The following ANKRD42 variants were observed in gnomAD, a reference collection of about 807,000 sequenced individuals.
ANKRD42 encodes ankyrin repeat domain 42.
In ANKRD42, 43 loss-of-function variants were observed where a neutral mutation model predicts 51.5. The observed-to-expected ratio is 0.83, with a 90% CI of 0.65 to 1.08. The LOEUF (loss-of-function observed/expected upper bound fraction) is 1.08. ANKRD42 is among the 50% of genes least tolerant of loss of function. The pLI, the probability that ANKRD42 is intolerant of heterozygous loss-of-function variation, is 0.00. For missense variants in ANKRD42, 608 were observed against 629.3 expected (o/e 0.97, Z 0.36); for synonymous variants, 203 against 213.0 (o/e 0.95, Z 0.41).
At position 83,248,146 on chromosome 11, in the gene ANKRD42, G is replaced by A. The variant is rs905254316; in HGVS notation, c.1526G>A (p.Arg509Lys). The A allele has an allele frequency of 1.3e-6, 2 of 1,541,358 alleles. No homozygotes were observed. Among genetic ancestry groups the A allele is most frequent in the African/African-American group, 1.4e-5 (1 of 72,968 alleles). The change falls in exon 11 of 11, where the codon AGA becomes AAA. Residue 509 changes from arginine to lysine, a missense_variant. Arg to Lys is a conservative substitution (Grantham distance 26). Transcript: ENST00000533342. The part of the protein sequence containing the change: ...FLKKYIQEWP[R>K]VQALGWGSLD... ...AAGAAGTATATACAAGAGTGGCCAA[G>A]AGTACAAGCTTTGGGCTGGGGCTCT...
At chr11:83,255,775 G>A in intron 11 of ANKRD42, 1 of 1,190,446 alleles carries the variant, frequency 8.4e-7, no homozygotes, top group South Asian at 1.5e-5. Context: ...TTTTGAACAG[G>A]CAATGTAGAA....
At chr11:83,253,379 G>T (rs552313467), downstream of ANKRD42, among the ~76,000 whole-genome samples, 3 of 152,320 alleles carry the variant, frequency 2.0e-5, no homozygotes, top group African/African-American at 7.2e-5. Flanking sequence ...AGTTTCATAT[G>T]CTGTCTAGAA....
Position 83,194,511 on chromosome 11 carries a change from C to T in ANKRD42, c.-160C>T, listed in dbSNP as rs759603231. On this transcript the variant is annotated 5_prime_UTR_variant, in exon 1 of 11. Coordinates refer to ENST00000533342, the MANE Select transcript of ANKRD42 (RefSeq NM_001300975.2). ...GTGAAGACGAAGGTTTCCGCTGCAG[C>T]TTCTGGGAGAGAGCAAGAGAGGACC... The T allele has an allele frequency of 1.3e-6, 1 of 743,418 alleles. No homozygotes were observed. Among genetic ancestry groups the T allele is most frequent in the South Asian group, 1.5e-5 (1 of 68,234 alleles). The allele number at this position is 743,418 out of a possible 1,614,324, so 46.1% of individuals were successfully genotyped here.
chr11:83,252,307 G>A (rs1448289590), downstream of ANKRD42, among the ~76,000 whole-genome samples: 1 of 152,232 alleles, frequency 6.6e-6, no homozygotes, highest in Admixed American at 6.5e-5. Context: ...AGTGGTGGCA[G>A]TGTAAATTGG....
At chr11:83,243,796 G>T (rs1034197205) in intron 9 of ANKRD42, among the ~76,000 whole-genome samples, 1 of 151,622 alleles carries the variant, frequency 6.6e-6, no homozygotes, top group Non-Finnish European at 1.5e-5. Flanking sequence ...TGAGTAGCTG[G>T]GACTACAGGC....
At chr11:83,260,483 G>A (rs1863879172), downstream of ANKRD42, 1 of 152,140 alleles carries the variant, frequency 6.6e-6, no homozygotes, top group Admixed American at 6.6e-5. Flanking sequence ...ATAATGTCAA[G>A]GTTTTTCTTT....
chr11:83,232,143 G>A (rs1423432178), intron 7 of ANKRD42, among the ~76,000 whole-genome samples: 1 of 147,506 alleles, frequency 6.8e-6, no homozygotes, highest in African/African-American at 2.5e-5. Context: ...AATGTCATTG[G>A]TATTTAGATA....
At chr11:83,262,047 GT>G (rs1354450084), downstream of ANKRD42, 4 of 951,588 alleles carry the variant, frequency 4.2e-6, no homozygotes, top group Admixed American at 5.1e-5. Flanking sequence ...TTATCTTTAA[GT>G]GAAGAGCAAA....
At chr11:83,215,456 G>A in intron 5 of ANKRD42, among the ~76,000 whole-genome samples, 1 of 151,976 alleles carries the variant, frequency 6.6e-6, no homozygotes, top group South Asian at 2.1e-4. Flanking sequence ...TGTTGTTATT[G>A]GTAGGTGAAG....
intron 1 of ANKRD42, among the ~76,000 whole-genome samples, chr11:83,195,898 G>A (rs1488587344): frequency 3.4e-5 from 5 of 146,984 alleles, no homozygotes; most frequent in Non-Finnish European, 7.4e-5. Context: ...ATGCTGGAGT[G>A]CAGTGGCGCG....
chr11:83,248,040 C>T lies in ANKRD42; in HGVS notation c.1420C>T (p.Leu474Phe). Residue 474 changes from leucine to phenylalanine, a missense_variant, in exon 11 of 11, where the codon CTC becomes TTC. Coordinates refer to ENST00000533342, the MANE Select transcript of ANKRD42 (RefSeq NM_001300975.2). ...TGAATATCGAGCAGAAGTTGATCAA[C>T]TCAGGGAAACACTGGAAAAAATTCA... ...LDEYRAEVDQ[L>F]RETLEKIQVP... 1 of 1,605,742 alleles carries T rather than the reference C, an allele frequency of 6.2e-7. No individual in the cohort carries two copies. The highest frequency in any genetic ancestry group is 8.5e-7 in the Non-Finnish European group (1 of 1,175,608).
chr11:83,217,436 C>T (rs903394133), intron 5 of ANKRD42, among the ~76,000 whole-genome samples: 5 of 152,172 alleles, frequency 3.3e-5, no homozygotes, highest in Admixed American at 1.3e-4. Context: ...ACCGAGCAGG[C>T]GAGAGTAATA....
Position 83,212,903 on chromosome 11 carries a change from G to A in ANKRD42, c.586+1473G>A. ...ATTCTTTTTACTTTGTATTTTGTAA[G>A]TTTTTTTTTTTAAAGTAAAATTTAA... On this transcript the variant is annotated intron_variant, in intron 5 of 10. Coordinates refer to ENST00000533342, the MANE Select transcript of ANKRD42 (RefSeq NM_001300975.2). 6.0e-6 allele frequency: 7 copies of A among 1,161,074 alleles called. No individual in the cohort carries two copies. In the Admixed American group the frequency reaches 1.3e-4, roughly 22 times the overall value. 71.9% of individuals were successfully genotyped at this position (1,161,074 alleles called of 1,614,324 possible).
At chr11:83,217,517 A>T (rs1228099377) in intron 5 of ANKRD42, among the ~76,000 whole-genome samples, 2 of 152,146 alleles carry the variant, frequency 1.3e-5, no homozygotes, top group Non-Finnish European at 2.9e-5. Flanking sequence ...GAGGCAGGAG[A>T]TTGAAACTGT....
chr11:83,209,997 G>A (rs1055612787), intron 3 of ANKRD42: 3 of 360,458 alleles, frequency 8.3e-6, no homozygotes, highest in African/African-American at 6.3e-5. Context: ...GCCGGGTGTT[G>A]TATGTATGGC....
Position 83,248,580 on chromosome 11 carries a change from A to G in ANKRD42, c.*376A>G, listed in dbSNP as rs150164180. 2,677 of 989,512 alleles carry G rather than the reference A, an allele frequency of 2.7e-3. 59 individuals carry two copies. In the African/African-American group the frequency reaches 0.043, roughly 16 times the overall value. The allele number at this position is 989,512 out of a possible 1,614,324, so 61.3% of individuals were successfully genotyped here. ...TTTCCATAGGGAAGTTTCTTCATCA[A>G]TCATCATGGATGAATTAATTCTGTT... is the stretch of plus-strand genomic sequence containing the variant. On this transcript the variant is annotated 3_prime_UTR_variant, in exon 11 of 11. Transcript: ENST00000533342.
At chr11:83,251,974 T>G (rs1428671038), downstream of ANKRD42, among the ~76,000 whole-genome samples, 1 of 152,206 alleles carries the variant, frequency 6.6e-6, no homozygotes, top group East Asian at 1.9e-4. Context: ...CAAGCCAAAG[T>G]GTAGAAAAAC....
chr11:83,218,679 C>T (rs954360817), intron 5 of ANKRD42, among the ~76,000 whole-genome samples: 1 of 152,110 alleles, frequency 6.6e-6, no homozygotes, highest in African/African-American at 2.4e-5. Context: ...TGTTCTCTTT[C>T]TGGGGTGCCT....
In ANKRD42 at chr11:83,238,232, T is replaced by C. The variant is rs572211657; in HGVS notation, c.1019+1723T>C. 3.9e-5 allele frequency among the ~76,000 whole-genome samples: 6 copies of C among 152,362 alleles called. 1 individual carries two copies. The highest frequency in any genetic ancestry group is 1.4e-4 in the African/African-American group (6 of 41,586). On this transcript the variant is annotated intron_variant, in intron 8 of 10. Coordinates refer to ENST00000533342, the MANE Select transcript of ANKRD42 (RefSeq NM_001300975.2). The stretch of plus-strand genomic sequence containing the variant: ...GAAGGGCATCTTGATTGTATCATTT[T>C]TTGGTGGTTATGAATAAAGCTGCTG...
Sources: gnomAD v4.1 joint callset for allele counts (sites outside exome capture counted in the v4.1 genomes callset) on GRCh38, gnomAD v4.1.1 for gene constraint, MANE v1.5 for transcripts, NCBI Gene and HGNC (gene_info 2026-07-23, HGNC 2026-07-21) for gene names.